Variants in ERG observed in about 807,000 individuals in gnomAD.
ERG encodes the protein transcriptional regulator ERG.
A neutral mutation model predicts 55.3 loss-of-function variants in ERG; 9 were observed. The observed-to-expected ratio is 0.16, with a 90% CI of 0.10 to 0.28. The LOEUF (loss-of-function observed/expected upper bound fraction) is 0.28. ERG is among the 10% of genes least tolerant of loss of function. The probability of loss-of-function intolerance (pLI) is 1.00; values close to 1 mark genes in which losing one functional copy is unlikely to be tolerated. For synonymous variants in ERG, 223 were observed against 237.3 expected (o/e 0.94, Z 0.55); for missense variants, 434 against 631.6 (o/e 0.69, Z 3.35).
chr21:38,484,054 A>C (rs1254462045), intron 1 of ERG, among the ~76,000 whole-genome samples: 1 of 152,170 alleles, frequency 6.6e-6, no homozygotes, highest in Admixed American at 6.5e-5. Context: ...GAAAGGTTAC[A>C]TGACAACAGC....
chr21:38,550,074 G>A (rs980722705), intron 2 of ERG, among the ~76,000 whole-genome samples: 3 of 152,198 alleles, frequency 2.0e-5, no homozygotes, highest in Non-Finnish European at 2.9e-5. Context: ...TGCTCCCAAG[G>A]TGACCACTCC....
chr21:38,578,920 G>A (rs1368671118), intron 1 of ERG, among the ~76,000 whole-genome samples: 2 of 152,146 alleles, frequency 1.3e-5, no homozygotes, highest in Non-Finnish European at 2.9e-5. Flanking sequence ...TCTAGCCAGT[G>A]ATAAAAGGAG....
intron 2 of ERG, among the ~76,000 whole-genome samples, chr21:38,527,101 C>G (rs2059635289): frequency 6.6e-6 from 1 of 152,194 alleles, no homozygotes; most frequent in South Asian, 2.1e-4. Flanking sequence ...AGTGAAGTCT[C>G]TGAGATGACC....
chr21:38,442,886 C>G (rs1239728791), intron 2 of ERG, among the ~76,000 whole-genome samples: 2 of 152,190 alleles, frequency 1.3e-5, no homozygotes, highest in Admixed American at 1.3e-4. Flanking sequence ...CGGCTCACTG[C>G]AAGCTCCGCC....
In ERG at chr21:38,636,170, A is replaced by G. The variant is rs180972330; in HGVS notation, c.-150+25488T>C. On this transcript the variant is annotated intron_variant, in intron 1 of 10. Coordinates refer to the ERG transcript ENST00000398910. ...TTCCTGCTGCCATGTGAAGAAGGAC[A>G]TGTTTGCTTCCCCTTCTGCCATGAT... Among the ~76,000 whole-genome samples, 928 of 152,286 alleles carry G rather than the reference A, an allele frequency of 6.1e-3. 2 individuals carry two copies. The highest frequency in any genetic ancestry group is 0.011 in the Non-Finnish European group (763 of 68,026).
intron 2 of ERG, among the ~76,000 whole-genome samples, chr21:38,531,181 T>C (rs1036433373): frequency 6.6e-6 from 1 of 152,142 alleles, no homozygotes; most frequent in African/African-American, 2.4e-5. Context: ...TGGTGACTAG[T>C]AGTGTAGATT....
chr21:38,575,983 G>A (rs2059992455), intron 1 of ERG, among the ~76,000 whole-genome samples: 1 of 152,222 alleles, frequency 6.6e-6, no homozygotes, highest in Non-Finnish European at 1.5e-5. Flanking sequence ...AGTCCGACAG[G>A]ACAGAAGAAT....
rs1990058101 is a variant in ERG at position 38,429,537 on chromosome 21, ATATACATATGTGTATATG to A, written c.237-5994_237-5977del. Among the ~76,000 whole-genome samples, 3 of 81,222 alleles carry A rather than the reference ATATACATATGTGTATATG, an allele frequency of 3.7e-5. 1 individual carries two copies. The highest frequency in any genetic ancestry group is 1.2e-4 in the African/African-American group (3 of 24,396). The allele number at this position is 81,222 out of a possible 152,430, so 53.3% of individuals were successfully genotyped here. On this transcript the variant is annotated intron_variant, in intron 2 of 9. Coordinates refer to ENST00000288319, the MANE Select transcript of ERG (RefSeq NM_182918.4). ...TATATACATGTATGCACATGTACATATATACATATGTGTATATGTACATGTATACACATGTACATATAT... is the reference window on the plus strand; with the variant it reads ...TATATACATGTATGCACATGTACATATACATGTATACACATGTACATATAT...
intron 2 of ERG, among the ~76,000 whole-genome samples, chr21:38,515,109 T>C (rs935454917): frequency 4.6e-5 from 7 of 151,990 alleles, no homozygotes; most frequent in Admixed American, 6.5e-5. Context: ...GATATATTCA[T>C]GGATTGAAAA....
intron 1 of ERG, among the ~76,000 whole-genome samples, chr21:38,641,596 A>G (rs551217503): frequency 4.9e-4 from 74 of 152,336 alleles, no homozygotes; most frequent in Middle Eastern, 3.4e-3. Flanking sequence ...ATGTTATAAT[A>G]CAAAATAAAC....
rs182916325 is a variant in ERG at position 38,507,088 on chromosome 21, T to C, written c.-41+68574A>G. 9.8e-4 allele frequency among the ~76,000 whole-genome samples: 149 copies of C among 152,132 alleles called. 1 individual carries two copies. Among genetic ancestry groups the C allele is most frequent in the Non-Finnish European group, 1.1e-3 (78 of 68,022 alleles). On this transcript the variant is annotated intron_variant, in intron 2 of 8. Transcript: ENST00000398897. ...GCAACTGCAGATAAAAGACGCTGGC[T>C]CGACAAAAAGCGCCCCTGGGCTCTG...
intron 2 of ERG, among the ~76,000 whole-genome samples, chr21:38,533,370 T>G (rs568066158): frequency 5.9e-5 from 9 of 152,206 alleles, no homozygotes; most frequent in Non-Finnish European, 1.3e-4. Context: ...AAGCCTCACA[T>G]AAATGATCAA....
At chr21:38,646,096 G>T (rs28391783) in intron 1 of ERG, among the ~76,000 whole-genome samples, 9,359 of 152,026 alleles carry the variant, frequency 0.062, 922 homozygotes, top group African/African-American at 0.21. Flanking sequence ...CTAGCCAACA[G>T]GACGAAACCC....
intron 6 of ERG, among the ~76,000 whole-genome samples, chr21:38,396,991 G>A (rs1292698559): frequency 3.3e-5 from 5 of 152,140 alleles, no homozygotes; most frequent in African/African-American, 1.2e-4. Flanking sequence ...TACTTTATGA[G>A]AGTAGAGAAG....
In ERG at chr21:38,615,591, C is replaced by G. The variant is rs2060253963; in HGVS notation, c.-149-30646G>C. Among the ~76,000 whole-genome samples, 3 of 150,344 alleles carry G rather than the reference C, an allele frequency of 2.0e-5. No homozygotes were observed. In the South Asian group the frequency reaches 6.4e-4, roughly 32 times the overall value. On this transcript the variant is annotated intron_variant, in intron 1 of 10. Transcript: ENST00000398910. ...TTTTTCTAATTAGTAGACACCATCT[C>G]AGAGGTAGCTATAAAGATTTTGAGA...
chr21:38,622,434 A>AC (rs986544377), intron 1 of ERG, among the ~76,000 whole-genome samples: 10 of 146,434 alleles, frequency 6.8e-5, no homozygotes, highest in African/African-American at 2.0e-4. Context: ...ACACACACAC[A>AC]CCCCCCACAC....
intron 4 of ERG, 130 bp downstream of exon 4, chr21:38,403,376 C>T (rs1352045104): frequency 1.2e-6 from 1 of 840,298 alleles, no homozygotes; most frequent in Non-Finnish European, 1.9e-6. Context: ...CATGTGGCTC[C>T]CTCGGATCCC....
chr21:38,426,786 C>T lies in ERG; in HGVS notation c.237-3225G>A, dbSNP rs536212675. ...TCTCTACTTAAAAAAAAAAATTAGCCGGGCGTGGTGGTGCATGCCCGTAAT... is the reference window on the plus strand; with the variant it reads ...TCTCTACTTAAAAAAAAAAATTAGCTGGGCGTGGTGGTGCATGCCCGTAAT... On this transcript the variant is annotated intron_variant, in intron 2 of 9. Coordinates refer to ENST00000288319, the MANE Select transcript of ERG (RefSeq NM_182918.4). Among the ~76,000 whole-genome samples, 7 of 151,792 alleles carry T rather than the reference C, an allele frequency of 4.6e-5. No individual in the cohort carries two copies. In the East Asian group the frequency reaches 7.8e-4, roughly 17 times the overall value.
chr21:38,551,346 T>C (rs1023535271), intron 2 of ERG, among the ~76,000 whole-genome samples: 1 of 152,168 alleles, frequency 6.6e-6, no homozygotes, highest in Admixed American at 6.5e-5. Flanking sequence ...CTCAATTTCA[T>C]TCAGTTCAGC....
Sources: gnomAD v4.1 joint callset for allele counts (sites outside exome capture counted in the v4.1 genomes callset) on GRCh38, gnomAD v4.1.1 for gene constraint, MANE v1.5 for transcripts, NCBI Gene and HGNC (gene_info 2026-07-23, HGNC 2026-07-21) for gene names.